ASIC2: variants seen among roughly 807,000 people sequenced by gnomAD.
ASIC2 encodes the protein acid-sensing ion channel 2.
A neutral mutation model predicts 57.3 loss-of-function variants in ASIC2; 25 were observed. The ratio of observed to expected loss-of-function variants is 0.44; its 90% CI spans 0.32 to 0.61. ASIC2 has a LOEUF of 0.61. Among genes scored for constraint, ASIC2 ranks in the 20% least tolerant of loss-of-function variants. The probability of loss-of-function intolerance (pLI) is 0.06; values close to 1 mark genes in which losing one functional copy is unlikely to be tolerated. For missense variants in ASIC2, 641 were observed against 738.1 expected (o/e 0.87, Z 1.52); for synonymous variants, 319 against 307.5 (o/e 1.04, Z -0.39).
At chr17:34,004,218 A>T (rs1906448536) in intron 1 of ASIC2, 1 of 151,998 alleles carries the variant, frequency 6.6e-6, no homozygotes, top group Admixed American at 6.6e-5. Flanking sequence ...AGGAAAAGGA[A>T]GGCTGTAAGT....
intron 1 of ASIC2, among the ~76,000 whole-genome samples, chr17:33,500,726 C>A (rs753140732): frequency 6.6e-6 from 1 of 152,164 alleles, no homozygotes; most frequent in Non-Finnish European, 1.5e-5. Flanking sequence ...ACACCTTTAT[C>A]CCAGAGTGTC....
chr17:33,197,356 G>A (rs1444184590), intron 1 of ASIC2, among the ~76,000 whole-genome samples: 1 of 152,170 alleles, frequency 6.6e-6, no homozygotes, highest in African/African-American at 2.4e-5. Context: ...CGTATACATA[G>A]GTAAGAGGGG....
chr17:33,253,382 C>T (rs1908952098), intron 1 of ASIC2, among the ~76,000 whole-genome samples: 1 of 152,146 alleles, frequency 6.6e-6, no homozygotes, highest in Admixed American at 6.5e-5. Flanking sequence ...TATATGCACA[C>T]CATGCCTCAT....
At chr17:33,458,993 C>T (rs1040976429) in intron 1 of ASIC2, among the ~76,000 whole-genome samples, 3 of 152,074 alleles carry the variant, frequency 2.0e-5, no homozygotes, top group Non-Finnish European at 4.4e-5. Context: ...AAAACCTCCA[C>T]GTTGTCAATA....
chr17:33,619,190 T>G (rs930286847), intron 1 of ASIC2, among the ~76,000 whole-genome samples: 10 of 152,108 alleles, frequency 6.6e-5, no homozygotes, highest in Admixed American at 6.5e-5. Flanking sequence ...AATATAACTG[T>G]TTTTTAGATT....
intron 6 of ASIC2, 82 bp downstream of exon 6, chr17:33,023,779 T>G: frequency 6.4e-7 from 1 of 1,567,316 alleles, no homozygotes; most frequent in Non-Finnish European, 8.7e-7. Context: ...AATGCTTATC[T>G]TTGCTTTCCT....
At position 33,017,465 on chromosome 17, in the gene ASIC2, C is replaced by G. The variant is rs904334552; in HGVS notation, c.1521+140G>C. ...CCCACAGAGCCTGGGCTTCAGTGAT[C>G]GACTCTATTGGTGGACAGGAGGGGA... is the stretch of plus-strand genomic sequence containing the variant. On this transcript the variant is annotated intron_variant, in intron 8 of 9. Transcript: ENST00000225823. 7 of 682,386 alleles carry G rather than the reference C, an allele frequency of 1.0e-5. 1 individual carries two copies. Among genetic ancestry groups the G allele is most frequent in the African/African-American group, 3.6e-5 (2 of 54,918 alleles). The allele number at this position is 682,386 out of a possible 1,614,324, so 42.3% of individuals were successfully genotyped here.
At chr17:33,071,333 A>G (rs2092068332) in intron 3 of ASIC2, among the ~76,000 whole-genome samples, 1 of 152,144 alleles carries the variant, frequency 6.6e-6, no homozygotes, top group Admixed American at 6.5e-5. Context: ...AAGTTAACTA[A>G]TCTTTTCCTC....
chr17:33,683,059 G>A (rs1426659328), intron 1 of ASIC2, among the ~76,000 whole-genome samples: 1 of 152,116 alleles, frequency 6.6e-6, no homozygotes, highest in Non-Finnish European at 1.5e-5. Flanking sequence ...TTGAGATCAG[G>A]GTGTCAGTAG....
intron 1 of ASIC2, among the ~76,000 whole-genome samples, chr17:33,172,587 G>A (rs1905566876): frequency 6.6e-6 from 1 of 152,202 alleles, no homozygotes; most frequent in Non-Finnish European, 1.5e-5. Flanking sequence ...TAGCAGAGAG[G>A]CTAGTTACCC....
At chr17:33,476,415 AC>A (rs1913221310) in intron 1 of ASIC2, among the ~76,000 whole-genome samples, 1 of 151,826 alleles carries the variant, frequency 6.6e-6, no homozygotes, top group South Asian at 2.1e-4. Context: ...GGACATTTAA[AC>A]TTTTCATTCT....
At chr17:33,940,325 G>A (rs35252510) in intron 1 of ASIC2, among the ~76,000 whole-genome samples, 24,129 of 152,104 alleles carry the variant, frequency 0.16, 2,169 homozygotes, top group East Asian at 0.28. Context: ...TGGCCAGACT[G>A]TGCCATCCAG....
intron 1 of ASIC2, among the ~76,000 whole-genome samples, chr17:33,464,452 TTTTTCTCTTTCTTTCTTTCTTTC>T (rs1401864386): frequency 2.4e-4 from 20 of 82,328 alleles, no homozygotes; most frequent in Non-Finnish European, 3.2e-4. Context: ...CACATGCCTC[TTTTTCTCTTTCTTTCTTTCTTTC>T]TTTTCTCTCT....
At chr17:33,430,515 G>A (rs1270472737) in intron 1 of ASIC2, among the ~76,000 whole-genome samples, 1 of 152,152 alleles carries the variant, frequency 6.6e-6, no homozygotes, top group Non-Finnish European at 1.5e-5. Flanking sequence ...AATTGTCAAT[G>A]CCTTCATCTA....
chr17:33,509,396 G>T (rs1056744942), intron 1 of ASIC2, among the ~76,000 whole-genome samples: 1 of 152,178 alleles, frequency 6.6e-6, no homozygotes, highest in Non-Finnish European at 1.5e-5. Context: ...GTCAAGTGAG[G>T]CTTAGGGAGC....
intron 1 of ASIC2, among the ~76,000 whole-genome samples, chr17:33,487,948 G>A (rs1163347182): frequency 6.6e-6 from 1 of 152,178 alleles, no homozygotes; most frequent in Non-Finnish European, 1.5e-5. Flanking sequence ...TGGGGACTCA[G>A]ACTGATCCAC....
In ASIC2 at chr17:33,400,009, G is replaced by C. The variant is rs546722635; in HGVS notation, c.556-287942C>G. On this transcript the variant is annotated intron_variant, in intron 1 of 9. Coordinates refer to the ASIC2 transcript ENST00000359872. Reference sequence around the variant, plus strand: ...AAATAAGCAGACCTGGGTTACCATAGAGACCTGTCTGCACAGGTCTGGGCC... The same window carrying C: ...AAATAAGCAGACCTGGGTTACCATACAGACCTGTCTGCACAGGTCTGGGCC... Among the ~76,000 whole-genome samples, 5 of 152,304 alleles carry C rather than the reference G, an allele frequency of 3.3e-5. No homozygotes were observed. The South Asian group carries it at 1.0e-3, about 32-fold the overall frequency.
At chr17:34,097,552 T>C (rs1353449594) in intron 1 of ASIC2, among the ~76,000 whole-genome samples, 2 of 152,178 alleles carry the variant, frequency 1.3e-5, no homozygotes, top group African/African-American at 4.8e-5. Context: ...GGGCTCCATT[T>C]CAATAGGGCT....
chr17:33,234,184 G>A (rs1908211295), intron 1 of ASIC2, among the ~76,000 whole-genome samples: 3 of 152,174 alleles, frequency 2.0e-5, no homozygotes, highest in Admixed American at 2.0e-4. Context: ...TTAAAGGAAA[G>A]GTGAAGTTCG....
Sources: allele counts gnomAD v4.1 joint callset (sites outside exome capture counted in the v4.1 genomes callset), GRCh38; gene constraint gnomAD v4.1.1; transcripts MANE v1.5; gene names NCBI Gene and HGNC (gene_info 2026-07-23, HGNC 2026-07-21).